The following PACSIN1 variants were observed in gnomAD, a reference collection of about 807,000 sequenced individuals.
The protein encoded by PACSIN1 is protein kinase C and casein kinase substrate in neurons 1, also known as protein kinase C and casein kinase substrate in neurons protein 1.
Under a neutral mutation model 59.5 loss-of-function variants are expected in PACSIN1, and 15 were observed. That is an observed-to-expected ratio of 0.25 (90% CI 0.17 to 0.39). The LOEUF (loss-of-function observed/expected upper bound fraction) is 0.39, where lower values mean the gene tolerates loss of function less well. PACSIN1 is among the 10% of genes least tolerant of loss of function. PACSIN1 has a pLI of 1.00. For missense variants in PACSIN1, 420 were observed against 580.2 expected (o/e 0.72, Z 2.84); for synonymous variants, 210 against 220.6 (o/e 0.95, Z 0.42).
rs1267089467 is a variant in PACSIN1, at chr6:34,527,391, C to T, written c.123C>T (p.Asp41=). 6.2e-7 allele frequency: 1 copy of T among 1,601,614 alleles called. No individual in the cohort carries two copies. The highest frequency in any genetic ancestry group is 1.1e-5 in the South Asian group (1 of 88,776). ...ATGACGGCCACCGTCTATGCAACGA[C>T]CTGATGAACTGCGTGCAGGAGCGCG... The part of the protein sequence containing the change: ...RIDDGHRLCN[D]LMNCVQERAK... Residue 41 remains aspartate, a synonymous_variant, in exon 3 of 10, where the codon GAC becomes GAT. Coordinates refer to ENST00000244458, the MANE Select transcript of PACSIN1 (RefSeq NM_020804.5).
At chr6:34,503,263 TG>T (rs1767051852) in intron 1 of PACSIN1, among the ~76,000 whole-genome samples, 1 of 108,402 alleles carries the variant, frequency 9.2e-6, no homozygotes, top group Non-Finnish European at 2.3e-5. Context: ...AGCGAGATCC[TG>T]TCAAAAAAAA....
intron 1 of PACSIN1, among the ~76,000 whole-genome samples, chr6:34,469,739 G>A (rs972009661): frequency 1.3e-5 from 2 of 152,206 alleles, no homozygotes; most frequent in African/African-American, 4.8e-5. Context: ...GTCGCCTGCT[G>A]ACAGCACCCA....
At chr6:34,494,659 C>T (rs1163218200) in intron 1 of PACSIN1, among the ~76,000 whole-genome samples, 1 of 152,068 alleles carries the variant, frequency 6.6e-6, no homozygotes, top group Admixed American at 6.6e-5. Context: ...GCCCGGGCTG[C>T]TCTTGAACTT....
chr6:34,519,376 G>C (rs1161094019), intron 1 of PACSIN1, among the ~76,000 whole-genome samples: 1 of 152,136 alleles, frequency 6.6e-6, no homozygotes, highest in East Asian at 1.9e-4. Flanking sequence ...AGGCTCCCTG[G>C]GGACTGCCTG....
chr6:34,486,135 G>C (rs903991991), intron 1 of PACSIN1, among the ~76,000 whole-genome samples: 1 of 151,996 alleles, frequency 6.6e-6, no homozygotes, highest in African/African-American at 2.4e-5. Context: ...CCCTGCAGCA[G>C]GAGTGCCCAG....
intron 1 of PACSIN1, among the ~76,000 whole-genome samples, chr6:34,491,041 C>T (rs1378748653): frequency 6.6e-6 from 1 of 152,060 alleles, no homozygotes; most frequent in African/African-American, 2.4e-5. Context: ...TCACTCTTTC[C>T]CAAGCAGGTT....
chr6:34,492,195 CTTTTTTTTTTTT>C (rs55745060), intron 1 of PACSIN1, among the ~76,000 whole-genome samples: 86 of 80,190 alleles, frequency 1.1e-3, no homozygotes, highest in African/African-American at 3.4e-3. Flanking sequence ...CTTTTTTGAC[CTTTTTTTTTTTT>C]TTTTTTTTTT....
rs771206558 is a variant in PACSIN1, at chr6:34,475,424, G to C, written c.-64+9154G>C. Among the ~76,000 whole-genome samples the C allele has an allele frequency of 7.8e-4, 118 of 152,232 alleles. 3 individuals carry two copies. The highest frequency in any genetic ancestry group is 3.1e-4 in the Non-Finnish European group (21 of 68,032). On this transcript the variant is annotated intron_variant, in intron 1 of 9. Coordinates refer to ENST00000244458, the MANE Select transcript of PACSIN1 (RefSeq NM_020804.5). ...CTGAGACAAGGATTCCCGGGCAAAT[G>C]ATTTATTGCAGGCATGCTCATATTA...
chr6:34,529,708 A>G lies in PACSIN1; in HGVS notation c.655A>G (p.Thr219Ala). The G allele has an allele frequency of 1.2e-6, 2 of 1,614,136 alleles. No individual in the cohort carries two copies. Among genetic ancestry groups the G allele is most frequent in the Non-Finnish European group, 1.7e-6 (2 of 1,180,022 alleles). ...GAAAGTGCTGGAAGATGTGGGCAAG[A>G]CCACACCCCAGTACATGGAGAACAT... The part of the protein sequence containing the change: ...YEKVLEDVGK[T>A]TPQYMENMEQ... Residue 219 changes from threonine (T) to alanine (A), a missense_variant, in exon 6 of 10, where the codon ACC (threonine) becomes GCC (alanine). Coordinates refer to ENST00000244458, the MANE Select transcript of PACSIN1 (RefSeq NM_020804.5). This position sits in a 1 kb window ranked among gnomAD's most constrained non-coding sequence, Gnocchi z 6.3.
intron 1 of PACSIN1, among the ~76,000 whole-genome samples, chr6:34,504,246 A>G (rs943289579): frequency 1.9e-5 from 2 of 107,824 alleles, no homozygotes; most frequent in African/African-American, 3.7e-5. Flanking sequence ...AGACAATGTT[A>G]TGTGTGTGTG....
intron 1 of PACSIN1, among the ~76,000 whole-genome samples, chr6:34,522,922 C>G (rs1767419313): frequency 6.6e-6 from 1 of 152,198 alleles, no homozygotes; most frequent in Admixed American, 6.5e-5. Flanking sequence ...GGCCCTCAGC[C>G]GATTGGGTGG....
At chr6:34,494,693 C>T (rs1385534166) in intron 1 of PACSIN1, among the ~76,000 whole-genome samples, 1 of 152,182 alleles carries the variant, frequency 6.6e-6, no homozygotes, top group East Asian at 1.9e-4. Context: ...ATCCTCCTAC[C>T]TTGGCCTCCC....
At chr6:34,470,276 G>A (rs959799148) in intron 1 of PACSIN1, among the ~76,000 whole-genome samples, 8 of 151,994 alleles carry the variant, frequency 5.3e-5, no homozygotes, top group Admixed American at 2.0e-4. Flanking sequence ...TCCACCTCCG[G>A]GTTCAAGCAA....
intron 1 of PACSIN1, among the ~76,000 whole-genome samples, chr6:34,483,947 C>T (rs1040241335): frequency 1.3e-5 from 2 of 152,126 alleles, no homozygotes; most frequent in Non-Finnish European, 2.9e-5. Context: ...CCGCGCTCAG[C>T]CCCTTCAAGG....
At chr6:34,504,386 G>A (rs924760270) in intron 1 of PACSIN1, among the ~76,000 whole-genome samples, 1 of 151,412 alleles carries the variant, frequency 6.6e-6, no homozygotes, top group Non-Finnish European at 1.5e-5. Flanking sequence ...CTGCCTCCGG[G>A]TTCAAGCAAT....
chr6:34,499,933 C>G (rs1335619611), intron 1 of PACSIN1, among the ~76,000 whole-genome samples: 1 of 152,114 alleles, frequency 6.6e-6, no homozygotes, highest in Non-Finnish European at 1.5e-5. Flanking sequence ...AAATTTAAAA[C>G]TTTTGTACAT....
intron 1 of PACSIN1, among the ~76,000 whole-genome samples, chr6:34,473,465 G>A (rs890592132): frequency 3.3e-5 from 5 of 152,132 alleles, no homozygotes; most frequent in African/African-American, 1.2e-4. Context: ...TGCAGGGCCT[G>A]GCAAAGACCC....
chr6:34,472,508 A>C (rs1426583464), intron 1 of PACSIN1, among the ~76,000 whole-genome samples: 2 of 152,138 alleles, frequency 1.3e-5, no homozygotes, highest in African/African-American at 2.4e-5. Flanking sequence ...AAATATCATT[A>C]CTCATGAAGA....
At chr6:34,512,679 G>A (rs1032916887) in intron 1 of PACSIN1, among the ~76,000 whole-genome samples, 3 of 152,196 alleles carry the variant, frequency 2.0e-5, no homozygotes, top group African/African-American at 7.2e-5. Context: ...TTGATTGTGG[G>A]GTCCTCGTGC....
Sources: allele counts gnomAD v4.1 joint callset (sites outside exome capture counted in the v4.1 genomes callset), GRCh38; gene constraint gnomAD v4.1.1; non-coding constraint Gnocchi (gnomAD v3.1); transcripts MANE v1.5; gene names NCBI Gene and HGNC (gene_info 2026-07-23, HGNC 2026-07-21).